The following FCHSD2 variants were observed in gnomAD, a reference collection of about 807,000 sequenced individuals.
FCHSD2 encodes the protein FCH and double SH3 domains 2, also known as F-BAR and double SH3 domains protein 2.
A neutral mutation model predicts 108.1 loss-of-function variants in FCHSD2; 38 were observed. The ratio of observed to expected loss-of-function variants is 0.35; its 90% CI spans 0.27 to 0.46. FCHSD2 has a LOEUF of 0.46. FCHSD2 is among the 20% of genes least tolerant of loss of function. FCHSD2 has a pLI of 1.00. For missense variants in FCHSD2, 751 were observed against 897.8 expected (o/e 0.84, Z 2.09); for synonymous variants, 279 against 314.7 (o/e 0.89, Z 1.20).
chr11:72,907,116 T>G (rs1185411862), intron 9 of FCHSD2, among the ~76,000 whole-genome samples: 3 of 152,204 alleles, frequency 2.0e-5, no homozygotes, highest in African/African-American at 2.4e-5. Flanking sequence ...TAATTGTGAA[T>G]GGGAGTTCAC....
chr11:72,922,716 TATA>T (rs916793533), intron 8 of FCHSD2, among the ~76,000 whole-genome samples: 3 of 151,860 alleles, frequency 2.0e-5, no homozygotes, highest in African/African-American at 7.3e-5. Context: ...TATGGAAAAA[TATA>T]ATAATAATAA....
chr11:72,912,300 T>C (rs1855780685), intron 9 of FCHSD2, among the ~76,000 whole-genome samples: 1 of 152,208 alleles, frequency 6.6e-6, no homozygotes, highest in Non-Finnish European at 1.5e-5. Context: ...TGGCTTTTAT[T>C]GTATTGAGAT....
In FCHSD2 at chr11:73,135,875, G is replaced by C. The variant is rs1416234301; in HGVS notation, c.119+4156C>G. ...CAAAAGATAAGAACTGGGGATTAAG[G>C]GGTGCGTTGCAGCAGTAGTGGCTCA... is the stretch of plus-strand genomic sequence containing the variant. On this transcript the variant is annotated intron_variant, in intron 2 of 19. Coordinates refer to ENST00000409418, the MANE Select transcript of FCHSD2 (RefSeq NM_014824.3). Among the ~76,000 whole-genome samples, 3 of 152,154 alleles carry C rather than the reference G, an allele frequency of 2.0e-5. No homozygotes were observed. The East Asian group carries it at 5.8e-4, about 29-fold the overall frequency.
intron 2 of FCHSD2, among the ~76,000 whole-genome samples, chr11:73,109,095 GTC>G (rs1565094712): frequency 6.6e-6 from 1 of 152,208 alleles, no homozygotes; most frequent in Non-Finnish European, 1.5e-5. Flanking sequence ...TGACCTGTGT[GTC>G]TGTTTTTATG....
At position 72,914,140 on chromosome 11, in the gene FCHSD2, G is replaced by A. The variant is rs530010230; in HGVS notation, c.828+7688C>T. Reference sequence around the variant, plus strand: ...AGTGATTCTCCTGCCTCAGCCTCCCGAGCAGCTGGGACTACAGACATGTGC... The same window carrying A: ...AGTGATTCTCCTGCCTCAGCCTCCCAAGCAGCTGGGACTACAGACATGTGC... On this transcript the variant is annotated intron_variant, in intron 9 of 19. Coordinates refer to ENST00000409418, the MANE Select transcript of FCHSD2 (RefSeq NM_014824.3). 5.9e-5 allele frequency among the ~76,000 whole-genome samples: 9 copies of A among 152,020 alleles called. No individual in the cohort carries two copies. The South Asian group carries it at 6.2e-4, about 11-fold the overall frequency.
chr11:73,038,682 AC>A (rs1302687200), intron 3 of FCHSD2, among the ~76,000 whole-genome samples: 11 of 152,156 alleles, frequency 7.2e-5, no homozygotes, highest in Non-Finnish European at 1.3e-4. Context: ...AATAATAAAC[AC>A]TAGGGAATCC....
chr11:72,977,394 G>A (rs904803405), intron 8 of FCHSD2, among the ~76,000 whole-genome samples: 4 of 152,130 alleles, frequency 2.6e-5, no homozygotes, highest in African/African-American at 9.7e-5. Flanking sequence ...AAAGTGCAGA[G>A]ACAGCCCATG....
intron 9 of FCHSD2, among the ~76,000 whole-genome samples, chr11:72,918,119 G>C (rs186382560): frequency 6.9e-4 from 105 of 152,040 alleles, no homozygotes; most frequent in African/African-American, 2.4e-3. Flanking sequence ...AACTCCTTTG[G>C]TTAAGTTTAT....
intron 13 of FCHSD2, among the ~76,000 whole-genome samples, chr11:72,855,385 A>G (rs1045448292): frequency 4.6e-5 from 7 of 152,202 alleles, no homozygotes; most frequent in Non-Finnish European, 7.3e-5. Context: ...CTGAGGCAGG[A>G]GAATCACTTG....
chr11:73,099,450 T>C (rs1860164674), intron 2 of FCHSD2, among the ~76,000 whole-genome samples: 1 of 152,150 alleles, frequency 6.6e-6, no homozygotes, highest in African/African-American at 2.4e-5. Flanking sequence ...CCCCAAGGTA[T>C]ATACTCGAGA....
At chr11:73,047,132 G>A (rs1452074973) in intron 3 of FCHSD2, among the ~76,000 whole-genome samples, 3 of 150,596 alleles carry the variant, frequency 2.0e-5, no homozygotes, top group Non-Finnish European at 2.9e-5. Context: ...TATTAAATGA[G>A]TACACATAAA....
intron 4 of FCHSD2, among the ~76,000 whole-genome samples, chr11:73,004,702 T>C (rs1216355225): frequency 6.6e-6 from 1 of 152,314 alleles, no homozygotes; most frequent in East Asian, 1.9e-4. Flanking sequence ...CATCAAAGTA[T>C]ATGGCAGAAT....
At chr11:72,969,991 TATC>T (rs1187259068) in intron 8 of FCHSD2, among the ~76,000 whole-genome samples, 1 of 152,222 alleles carries the variant, frequency 6.6e-6, no homozygotes, top group Admixed American at 6.5e-5. Context: ...AGTGATGGAA[TATC>T]ATCTTTATTG....
intron 18 of FCHSD2, 109 bp downstream of exon 18, chr11:72,841,345 A>C: frequency 1.5e-6 from 1 of 658,132 alleles, no homozygotes. Flanking sequence ...GTCTCCAAAA[A>C]AAAAAAAAAA....
chr11:73,112,566 G>A lies in FCHSD2; in HGVS notation c.119+27465C>T, dbSNP rs539233813. Reference sequence around the variant, plus strand: ...TGGGAAGTTCTCTGTTGTTATCCCCGTGAATAAACTTTCTACTCTGATCTC... The same window carrying A: ...TGGGAAGTTCTCTGTTGTTATCCCCATGAATAAACTTTCTACTCTGATCTC... On this transcript the variant is annotated intron_variant, in intron 2 of 19. Coordinates refer to ENST00000409418, the MANE Select transcript of FCHSD2 (RefSeq NM_014824.3). Among the ~76,000 whole-genome samples, 16 of 152,100 alleles carry A rather than the reference G, an allele frequency of 1.1e-4. No homozygotes were observed. The South Asian group carries it at 3.3e-3, about 32-fold the overall frequency.
intron 9 of FCHSD2, among the ~76,000 whole-genome samples, chr11:72,910,778 C>T (rs545138076): frequency 6.6e-6 from 1 of 150,910 alleles, no homozygotes; most frequent in Non-Finnish European, 1.5e-5. Flanking sequence ...TCCTATGACC[C>T]TGCCACATCC....
At chr11:72,966,516 C>G (rs962653257) in intron 8 of FCHSD2, among the ~76,000 whole-genome samples, 1 of 152,140 alleles carries the variant, frequency 6.6e-6, no homozygotes, top group Admixed American at 6.5e-5. Flanking sequence ...TTTATTCTTA[C>G]AAAATACTTA....
intron 3 of FCHSD2, among the ~76,000 whole-genome samples, chr11:73,035,694 GTTTTTATT>G (rs1179922679): frequency 0.013 from 1,647 of 126,278 alleles, 21 homozygotes; most frequent in East Asian, 0.064. Flanking sequence ...GAAATGTTCA[GTTTTTATT>G]TATTTATTTA....
intron 6 of FCHSD2, among the ~76,000 whole-genome samples, chr11:72,988,672 A>C (rs144939458): frequency 6.6e-6 from 1 of 152,362 alleles, no homozygotes; most frequent in East Asian, 1.9e-4. Context: ...CAGTGACTTC[A>C]GGCTTTTGAT....
Sources: gnomAD v4.1 joint callset for allele counts (sites outside exome capture counted in the v4.1 genomes callset) on GRCh38, gnomAD v4.1.1 for gene constraint, MANE v1.5 for transcripts, NCBI Gene and HGNC (gene_info 2026-07-23, HGNC 2026-07-21) for gene names.